Variants in TMEM232 observed in about 807,000 individuals in gnomAD.
The protein encoded by TMEM232 is transmembrane protein 232.
A neutral mutation model predicts 78.8 loss-of-function variants in TMEM232; 80 were observed. The ratio of observed to expected loss-of-function variants is 1.01; its 90% confidence interval spans 0.85 to 1.22. The LOEUF (loss-of-function observed/expected upper bound fraction) is 1.22. TMEM232 is among the 50% of genes most tolerant of loss of function. The pLI, the probability that TMEM232 is intolerant of heterozygous loss-of-function variation, is 0.00. For missense variants in TMEM232, 881 were observed against 742.2 expected, an observed-to-expected ratio of 1.19 and a Z score of -2.17; for synonymous variants, 297 against 254.3, an observed-to-expected ratio of 1.17 and a Z score of -1.60.
In TMEM232 at chr5:110,665,953, C is replaced by T. The variant is rs578240591; in HGVS notation, c.125+1275G>A. On this transcript the variant is annotated intron_variant, in intron 2 of 13. Transcript: ENST00000455884. ...GCATACTGGCATGTGCCCGTGGTGC[C>T]AGCTGCTCAGGAGGCTGAGACAGGA... Among the ~76,000 whole-genome samples, 5 of 151,500 alleles carry T rather than the reference C, an allele frequency of 3.3e-5. No homozygotes were observed. The South Asian group carries it at 1.0e-3, about 32-fold the overall frequency.
intron 12 of TMEM232, among the ~76,000 whole-genome samples, chr5:110,460,210 G>C (rs1761348615): frequency 6.6e-6 from 1 of 151,988 alleles, no homozygotes; most frequent in Non-Finnish European, 1.5e-5. Flanking sequence ...AATCTTATTG[G>C]TCTGAGGAAT....
Position 110,722,592 on chromosome 5 carries a change from A to C in TMEM232, c.-13+4035T>G, listed in dbSNP as rs185074991. Among the ~76,000 whole-genome samples the C allele has an allele frequency of 3.8e-3, 583 of 152,274 alleles. 1 individual carries two copies. Among genetic ancestry groups the C allele is most frequent in the Middle Eastern group, 6.8e-3 (2 of 294 alleles). On this transcript the variant is annotated intron_variant, in intron 1 of 13. Transcript: ENST00000455884. ...ATGGAGGCTGGCTTCCCCCAGAGAG[A>C]ACAATCCAAGAAACCAAGATGAAAG...
intron 12 of TMEM232, among the ~76,000 whole-genome samples, chr5:110,504,892 T>G (rs989411074): frequency 6.6e-6 from 1 of 152,224 alleles, no homozygotes; most frequent in African/African-American, 2.4e-5. Flanking sequence ...CCCAGGCAAG[T>G]TGACACATAA....
chr5:110,550,823 A>T (rs1774362757), intron 11 of TMEM232, among the ~76,000 whole-genome samples: 1 of 151,806 alleles, frequency 6.6e-6, no homozygotes, highest in African/African-American at 2.4e-5. Flanking sequence ...CTTGCTTTTT[A>T]AAAAATGGAA....
intron 11 of TMEM232, among the ~76,000 whole-genome samples, chr5:110,550,855 A>T: frequency 6.6e-6 from 1 of 151,748 alleles, no homozygotes. Context: ...GATTTTAAAA[A>T]ATATATATGG....
At chr5:110,647,744 T>C (rs968145410) in intron 2 of TMEM232, among the ~76,000 whole-genome samples, 11 of 151,916 alleles carry the variant, frequency 7.2e-5, no homozygotes, top group African/African-American at 1.9e-4. Flanking sequence ...ACATTTCACA[T>C]TACTTCCTAT....
Position 110,640,916 on chromosome 5 carries a change from A to G in TMEM232, c.318T>C (p.Ala106=), listed in dbSNP as rs1167856112. The change falls in exon 4 of 14, where the codon GCT becomes GCC. Residue 106 remains alanine (A), a synonymous_variant. Transcript: ENST00000455884. ...CATCTTGGATTTCCCCTTTGCATTG[A>G]GCCAGATATATTACTTCAGTCCATG... ...PAAWTEVIYL[A]QCKGEIQDES... 1.2e-5 allele frequency: 19 copies of G among 1,539,082 alleles called. No individual in the cohort carries two copies. Among genetic ancestry groups the G allele is most frequent in the Non-Finnish European group, 1.7e-5 (19 of 1,140,486 alleles).
chr5:110,616,917 C>A (rs1326378327), intron 8 of TMEM232, among the ~76,000 whole-genome samples: 1 of 152,098 alleles, frequency 6.6e-6, no homozygotes, highest in African/African-American at 2.4e-5. Flanking sequence ...TCTAACAATC[C>A]CACTTCTATG....
At chr5:110,599,318 C>T (rs1481413510) in intron 10 of TMEM232, among the ~76,000 whole-genome samples, 1 of 152,078 alleles carries the variant, frequency 6.6e-6, no homozygotes, top group African/African-American at 2.4e-5. Flanking sequence ...TCACACATAA[C>T]AATATTAACC....
At chr5:110,485,790 A>G (rs534092811) in intron 12 of TMEM232, among the ~76,000 whole-genome samples, 1 of 152,272 alleles carries the variant, frequency 6.6e-6, no homozygotes, top group South Asian at 2.1e-4. Context: ...GTGTGCAAGT[A>G]TCTTTTTTAG....
At chr5:110,481,870 G>A (rs1763902566) in intron 12 of TMEM232, among the ~76,000 whole-genome samples, 1 of 152,128 alleles carries the variant, frequency 6.6e-6, no homozygotes, top group South Asian at 2.1e-4. Context: ...TGTTCCCTGG[G>A]ATTCTGGTGA....
At chr5:110,552,393 G>A (rs536444559) in intron 11 of TMEM232, among the ~76,000 whole-genome samples, 97 of 152,044 alleles carry the variant, frequency 6.4e-4, no homozygotes, top group African/African-American at 2.0e-3. Context: ...ATAATAAGAC[G>A]TAATATGCAT....
chr5:110,469,191 C>T (rs1245643924), intron 12 of TMEM232, among the ~76,000 whole-genome samples: 1 of 152,194 alleles, frequency 6.6e-6, no homozygotes, highest in African/African-American at 2.4e-5. Context: ...GTGCCCCTCG[C>T]TCAGTGGCCT....
intron 2 of TMEM232, among the ~76,000 whole-genome samples, chr5:110,647,244 C>T (rs1294210779): frequency 1.3e-5 from 2 of 151,850 alleles, no homozygotes; most frequent in East Asian, 3.9e-4. Flanking sequence ...TTTTAGGTGA[C>T]TGCGCATGTG....
intron 11 of TMEM232, among the ~76,000 whole-genome samples, chr5:110,547,429 T>C (rs1006010064): frequency 6.6e-6 from 1 of 152,198 alleles, no homozygotes; most frequent in Admixed American, 6.5e-5. Context: ...CTAATCACTT[T>C]AGCCTTTTGA....
intron 5 of TMEM232, among the ~76,000 whole-genome samples, chr5:110,633,499 CA>C (rs1785410342): frequency 6.6e-6 from 1 of 152,056 alleles, no homozygotes; most frequent in South Asian, 2.1e-4. Context: ...AAGGAAGGGC[CA>C]CGTGTTGAGG....
Position 110,669,156 on chromosome 5 carries a change from C to CA in TMEM232, c.-12-1793dup, listed in dbSNP as rs1167238439. Among the ~76,000 whole-genome samples, 15 of 151,894 alleles carry CA rather than the reference C, an allele frequency of 9.9e-5. No individual in the cohort carries two copies. The East Asian group carries it at 2.7e-3, about 27-fold the overall frequency. Reference sequence around the variant, plus strand: ...AGCAGAACTGAAGGAGATAGAGACACAAAAAACACTTCAAAAAAATCAATG... The same window carrying CA: ...AGCAGAACTGAAGGAGATAGAGACACAAAAAAACACTTCAAAAAAATCAATG... On this transcript the variant is annotated intron_variant, in intron 1 of 13. Coordinates refer to ENST00000455884, the MANE Select transcript of TMEM232 (RefSeq NM_001039763.4).
intron 2 of TMEM232, among the ~76,000 whole-genome samples, chr5:110,657,408 T>TGTGTGC (rs1554070765): frequency 6.6e-6 from 1 of 151,544 alleles, no homozygotes; most frequent in East Asian, 1.9e-4. Flanking sequence ...TGTGTGTGTG[T>TGTGTGC]AGTAGAATAC....
At chr5:110,731,426 T>A (rs539016532), upstream of TMEM232, among the ~76,000 whole-genome samples, 1 of 152,318 alleles carries the variant, frequency 6.6e-6, no homozygotes, top group South Asian at 2.1e-4. Context: ...CACACTGCCC[T>A]AGCAGGGGTT....
Sources: gnomAD v4.1 joint callset for allele counts (sites outside exome capture counted in the v4.1 genomes callset) on GRCh38, gnomAD v4.1.1 for gene constraint, MANE v1.5 for transcripts, NCBI Gene and HGNC (gene_info 2026-07-23, HGNC 2026-07-21) for gene names.